EXOC4: variants seen among roughly 807,000 people sequenced by gnomAD.
EXOC4 encodes exocyst complex component 4.
A neutral mutation model predicts 107.2 loss-of-function variants in EXOC4; 71 were observed. The ratio of observed to expected loss-of-function variants is 0.66; its 90% CI spans 0.55 to 0.81. The LOEUF (loss-of-function observed/expected upper bound fraction) is 0.81, where lower values mean the gene tolerates loss of function less well. EXOC4 is among the 30% of genes least tolerant of loss of function. The pLI is 0.00. For synonymous variants in EXOC4, 456 were observed against 441.2 expected, an observed-to-expected ratio of 1.03 and a Z score of -0.42; for missense variants, 1,108 against 1,189.6, an observed-to-expected ratio of 0.93 and a Z score of 1.01.
chr7:133,606,629 C>T (rs551890931), intron 9 of EXOC4, among the ~76,000 whole-genome samples: 1 of 151,848 alleles, frequency 6.6e-6, no homozygotes, highest in African/African-American at 2.4e-5. Context: ...ATTCTCCTTC[C>T]TCAGCCTCCT....
chr7:133,946,537 A>C (rs1337683997), intron 14 of EXOC4, among the ~76,000 whole-genome samples: 1 of 152,180 alleles, frequency 6.6e-6, no homozygotes, highest in Non-Finnish European at 1.5e-5. Context: ...AGTTTTGTTC[A>C]TTTTCAGTCT....
At chr7:133,584,514 T>C (rs1801350431) in intron 9 of EXOC4, among the ~76,000 whole-genome samples, 2 of 152,060 alleles carry the variant, frequency 1.3e-5, no homozygotes, top group African/African-American at 4.8e-5. Context: ...AGATCTGCCC[T>C]TTCTTATTTT....
chr7:133,341,382 G>A (rs939840745), intron 5 of EXOC4, among the ~76,000 whole-genome samples: 3 of 152,138 alleles, frequency 2.0e-5, no homozygotes, highest in African/African-American at 2.4e-5. Flanking sequence ...TTATTCCACT[G>A]TGGTCTGAGA....
intron 9 of EXOC4, among the ~76,000 whole-genome samples, chr7:133,487,766 G>C (rs1238979662): frequency 6.6e-6 from 1 of 152,020 alleles, no homozygotes; most frequent in Non-Finnish European, 1.5e-5. Flanking sequence ...TTTGTTTTCA[G>C]AACAAAAACT....
intron 10 of EXOC4, among the ~76,000 whole-genome samples, chr7:133,737,697 C>T (rs2151124657): frequency 6.6e-6 from 1 of 152,108 alleles, no homozygotes; most frequent in East Asian, 1.9e-4. Context: ...TCAAACTATA[C>T]ATGACACAGA....
chr7:133,660,820 G>A (rs185786487), intron 10 of EXOC4, among the ~76,000 whole-genome samples: 11 of 152,170 alleles, frequency 7.2e-5, no homozygotes, highest in Admixed American at 3.9e-4. Flanking sequence ...ATGTACTGCC[G>A]CCTTCAGAAG....
chr7:133,603,977 A>T (rs1214843868), intron 9 of EXOC4, among the ~76,000 whole-genome samples: 1 of 151,190 alleles, frequency 6.6e-6, no homozygotes, highest in Non-Finnish European at 1.5e-5. Context: ...TTATATCCTT[A>T]TTCTGTAAGC....
chr7:134,007,908 A>T, intron 17 of EXOC4, 73 bp downstream of exon 17: 1 of 1,388,258 alleles, frequency 7.2e-7, no homozygotes, highest in Non-Finnish European at 9.8e-7. Context: ...CATTTTTAAA[A>T]ATAGACTCTT....
At chr7:133,641,196 A>G (rs1802846317) in intron 10 of EXOC4, among the ~76,000 whole-genome samples, 1 of 152,134 alleles carries the variant, frequency 6.6e-6, no homozygotes, top group Non-Finnish European at 1.5e-5. Flanking sequence ...GTGAGTTGGG[A>G]ATTTACTTTT....
chr7:133,611,303 A>G (rs1802071914), intron 9 of EXOC4, among the ~76,000 whole-genome samples: 1 of 152,112 alleles, frequency 6.6e-6, no homozygotes, highest in Admixed American at 6.6e-5. Flanking sequence ...CTTGGCAGGG[A>G]GAATAGGAGA....
intron 14 of EXOC4, among the ~76,000 whole-genome samples, chr7:133,962,337 C>G (rs1800966007): frequency 6.6e-6 from 1 of 152,220 alleles, no homozygotes; most frequent in African/African-American, 2.4e-5. Flanking sequence ...AGAAGCTTTA[C>G]ACATACCCCT....
intron 11 of EXOC4, among the ~76,000 whole-genome samples, chr7:133,830,555 G>A (rs913134983): frequency 3.3e-5 from 5 of 152,180 alleles, no homozygotes; most frequent in Non-Finnish European, 5.9e-5. Context: ...GGTAGGGTAC[G>A]TAAAAGCAAA....
At chr7:133,792,509 C>T (rs1796723682) in intron 10 of EXOC4, among the ~76,000 whole-genome samples, 1 of 142,416 alleles carries the variant, frequency 7.0e-6, no homozygotes, top group South Asian at 2.2e-4. Context: ...GCTGAGATCA[C>T]ACCACTGCAC....
At chr7:133,409,041 A>G (rs1797295197) in intron 7 of EXOC4, among the ~76,000 whole-genome samples, 1 of 152,212 alleles carries the variant, frequency 6.6e-6, no homozygotes, top group Non-Finnish European at 1.5e-5. Context: ...AAGAAGTATA[A>G]TCAAAATCGG....
intron 10 of EXOC4, among the ~76,000 whole-genome samples, chr7:133,752,429 A>G (rs1012100585): frequency 6.6e-6 from 1 of 152,126 alleles, no homozygotes; most frequent in Non-Finnish European, 1.5e-5. Flanking sequence ...TCATCATAAA[A>G]TGGGACTAAT....
At chr7:133,349,681 A>G (rs903131733) in intron 5 of EXOC4, among the ~76,000 whole-genome samples, 2 of 152,162 alleles carry the variant, frequency 1.3e-5, no homozygotes, top group African/African-American at 4.8e-5. Context: ...CTTTAAGTGT[A>G]TACTCAATTA....
chr7:133,353,399 G>A (rs1795953907), intron 5 of EXOC4, among the ~76,000 whole-genome samples: 1 of 152,074 alleles, frequency 6.6e-6, no homozygotes, highest in Admixed American at 6.6e-5. Context: ...ACAGTTTTGT[G>A]TGATACAGAA....
intron 10 of EXOC4, among the ~76,000 whole-genome samples, chr7:133,728,982 G>T (rs1286829229): frequency 6.6e-6 from 1 of 152,130 alleles, no homozygotes; most frequent in African/African-American, 2.4e-5. Context: ...TATACTGGGG[G>T]AAATTTCCAT....
At chr7:133,957,766 C>T (rs1800848771) in intron 14 of EXOC4, among the ~76,000 whole-genome samples, 2 of 152,184 alleles carry the variant, frequency 1.3e-5, no homozygotes, top group South Asian at 2.1e-4. Context: ...GTAATATACT[C>T]AGAAGGCCTA....
Sources: gnomAD v4.1 joint callset for allele counts (sites outside exome capture counted in the v4.1 genomes callset) on GRCh38, gnomAD v4.1.1 for gene constraint, MANE v1.5 for transcripts, NCBI Gene and HGNC (gene_info 2026-07-23, HGNC 2026-07-21) for gene names.